HNRNPC: variants seen among roughly 807,000 people sequenced by gnomAD.
The protein encoded by HNRNPC is heterogeneous nuclear ribonucleoprotein C.
Under a neutral mutation model 33.2 loss-of-function variants are expected in HNRNPC, and 3 were observed. The observed-to-expected ratio is 0.09, with a 90% CI of 0.04 to 0.23. The LOEUF (loss-of-function observed/expected upper bound fraction) is 0.23. HNRNPC is among the 10% of genes least tolerant of loss of function. The probability of loss-of-function intolerance (pLI) is 1.00; values close to 1 mark genes in which losing one functional copy is unlikely to be tolerated. For missense variants in HNRNPC, 143 were observed against 366.7 expected (o/e 0.39, Z 4.98); for synonymous variants, 121 against 126.7 (o/e 0.96, Z 0.30).
chr14:21,262,744 T>A (rs991328421), intron 2 of HNRNPC: 1 of 152,106 alleles, frequency 6.6e-6, no homozygotes, highest in Non-Finnish European at 1.5e-5. Context: ...AGGATGGGAT[T>A]TCAAGGGAAA....
At chr14:21,250,849 A>G (rs562866970) in intron 2 of HNRNPC, among the ~76,000 whole-genome samples, 1 of 152,334 alleles carries the variant, frequency 6.6e-6, no homozygotes, top group South Asian at 2.1e-4. Context: ...TTCAATGTGC[A>G]TATCGGTACC....
intron 2 of HNRNPC, among the ~76,000 whole-genome samples, chr14:21,246,615 T>G (rs1896009065): frequency 6.6e-6 from 1 of 151,984 alleles, no homozygotes; most frequent in Non-Finnish European, 1.5e-5. Flanking sequence ...TCTGCCAATT[T>G]CCCTTTAACA....
chr14:21,233,524 ACT>A (rs1894341439), intron 3 of HNRNPC, among the ~76,000 whole-genome samples: 1 of 152,172 alleles, frequency 6.6e-6, no homozygotes, highest in Non-Finnish European at 1.5e-5. Flanking sequence ...GGTAGTAAGT[ACT>A]CTGAGGTGTC....
chr14:21,265,185 G>C (rs1220993902), intron 1 of HNRNPC: 1 of 152,174 alleles, frequency 6.6e-6, no homozygotes, highest in Non-Finnish European at 1.5e-5. Flanking sequence ...TGCGGAAAAA[G>C]TTTGTGAAGA....
intron 5 of HNRNPC, among the ~76,000 whole-genome samples, chr14:21,221,947 G>A (rs1892869129): frequency 6.8e-6 from 1 of 147,180 alleles, no homozygotes; most frequent in African/African-American, 2.5e-5. Context: ...TACTCGGTAG[G>A]CTGAGGCAGG....
At chr14:21,228,337 G>C (rs1413366525) in intron 5 of HNRNPC, among the ~76,000 whole-genome samples, 1 of 152,218 alleles carries the variant, frequency 6.6e-6, no homozygotes, top group African/African-American at 2.4e-5. Flanking sequence ...TAAATGGGCT[G>C]AGTTCACTAG....
chr14:21,216,479 G>C (rs973992250), intron 5 of HNRNPC, among the ~76,000 whole-genome samples: 1 of 152,190 alleles, frequency 6.6e-6, no homozygotes, highest in South Asian at 2.1e-4. Context: ...AGGCTAAGGC[G>C]AGCGGCTCAT....
chr14:21,214,036 C>T, intron 5 of HNRNPC, among the ~76,000 whole-genome samples: 1 of 152,224 alleles, frequency 6.6e-6, no homozygotes, highest in Non-Finnish European at 1.5e-5. Flanking sequence ...ATACTTCTTA[C>T]ATGGACATCA....
intron 1 of HNRNPC, among the ~76,000 whole-genome samples, chr14:21,267,095 C>CAAAAAAAAAAAAAAAAAAAAAAAAA (rs56203257): frequency 9.6e-6 from 1 of 104,050 alleles, no homozygotes; most frequent in African/African-American, 3.6e-5. Flanking sequence ...GACTCCGTCT[C>CAAAAAAAAAAAAAAAAAAAAAAAAA]AAAAAAAAAA....
chr14:21,245,858 GT>G (rs200487563), intron 2 of HNRNPC, among the ~76,000 whole-genome samples: 1 of 151,768 alleles, frequency 6.6e-6, no homozygotes, highest in African/African-American at 2.4e-5. Context: ...TTACTTTTTA[GT>G]TTTTTTTGAG....
intron 2 of HNRNPC, chr14:21,234,909 A>G (rs753675863): frequency 2.1e-5 from 3 of 145,202 alleles, no homozygotes; most frequent in Non-Finnish European, 4.7e-5. Context: ...ACAGACTGCA[A>G]TGACTCGAAG....
At chr14:21,237,112 A>G (rs1660856604) in intron 2 of HNRNPC, among the ~76,000 whole-genome samples, 1 of 152,222 alleles carries the variant, frequency 6.6e-6, no homozygotes, top group South Asian at 2.1e-4. Flanking sequence ...GGACTTCAAT[A>G]AAAATGTGTG....
intron 2 of HNRNPC, among the ~76,000 whole-genome samples, chr14:21,259,630 T>C (rs1877827856): frequency 6.6e-6 from 1 of 152,172 alleles, no homozygotes; most frequent in Non-Finnish European, 1.5e-5. Flanking sequence ...TGTGTTCTTG[T>C]CCACCTTATC....
intron 5 of HNRNPC, among the ~76,000 whole-genome samples, chr14:21,214,061 A>G (rs1002124384): frequency 6.6e-6 from 1 of 152,248 alleles, no homozygotes; most frequent in African/African-American, 2.4e-5. Flanking sequence ...TAAACTTTCT[A>G]CATTCCACAT....
chr14:21,232,219 C>G (rs1457134188), intron 3 of HNRNPC, among the ~76,000 whole-genome samples: 2 of 152,108 alleles, frequency 1.3e-5, no homozygotes, highest in Non-Finnish European at 1.5e-5. Context: ...AAGCCAAAAA[C>G]TCTCTAAAAT....
Position 21,230,335 on chromosome 14 carries a change from G to A in HNRNPC, c.349C>T (p.Arg117Trp). Residue 117 changes from arginine (R) to tryptophan (W), a missense_variant, in exon 5 of 9, where the codon CGG becomes TGG. Physicochemically the swap from Arg to Trp is moderately radical, Grantham distance 101. Transcript: ENST00000553300. ...SSFDLDYDFQ[R>W]DYYDRMYSYP... The stretch of plus-strand genomic sequence containing the variant: ...TTAACATACCTATCATAATAGTCCC[G>A]TTGAAAGTCATAGTCCAAGTCAAAA... 6.2e-7 allele frequency: 1 copy of A among 1,608,594 alleles called. No individual in the cohort carries two copies. The highest frequency in any genetic ancestry group is 8.5e-7 in the Non-Finnish European group (1 of 1,175,512).
intron 5 of HNRNPC, among the ~76,000 whole-genome samples, chr14:21,222,538 T>A (rs1199827365): frequency 1.3e-5 from 2 of 152,164 alleles, no homozygotes; most frequent in Non-Finnish European, 2.9e-5. Context: ...TTATGGTTAC[T>A]ACATTTTGTT....
intron 5 of HNRNPC, among the ~76,000 whole-genome samples, chr14:21,219,257 T>C (rs1466398139): frequency 6.6e-6 from 1 of 151,964 alleles, no homozygotes; most frequent in Non-Finnish European, 1.5e-5. Flanking sequence ...GGCAACAGAG[T>C]GAAGGTGCAT....
chr14:21,267,186 A>T (rs1009849164), intron 1 of HNRNPC, among the ~76,000 whole-genome samples: 1 of 151,980 alleles, frequency 6.6e-6, no homozygotes, highest in Non-Finnish European at 1.5e-5. Context: ...GCAACAAAAA[A>T]TTTGAATTAG....
Sources: allele counts gnomAD v4.1 joint callset (sites outside exome capture counted in the v4.1 genomes callset), GRCh38; gene constraint gnomAD v4.1.1; transcripts MANE v1.5; gene names NCBI Gene and HGNC (gene_info 2026-07-23, HGNC 2026-07-21).